SLC9A9: variants seen among roughly 807,000 people sequenced by gnomAD.
The protein encoded by SLC9A9 is sodium/hydrogen exchanger 9.
In SLC9A9, 62 loss-of-function variants were observed where a neutral mutation model predicts 77.8. The ratio of observed to expected loss-of-function variants is 0.80; its 90% CI spans 0.65 to 0.98. The LOEUF (loss-of-function observed/expected upper bound fraction) is 0.98. Among genes scored for constraint, SLC9A9 ranks in the 50% least tolerant of loss-of-function variants. SLC9A9 has a pLI of 0.00. For synonymous variants in SLC9A9, 320 were observed against 283.5 expected (o/e 1.13, Z -1.29); for missense variants, 775 against 774.9 (o/e 1.00, Z 0.00).
Position 143,278,943 on chromosome 3 carries a change from C to G in SLC9A9, c.1605-9963G>C, listed in dbSNP as rs146636519. Among the ~76,000 whole-genome samples, 1,346 of 151,898 alleles carry G rather than the reference C, an allele frequency of 8.9e-3. 25 individuals carry two copies. Among genetic ancestry groups the G allele is most frequent in the South Asian group, 0.07 (338 of 4,820 alleles). ...AGGCAAACTTCCTGAGCTCTTTGAC[C>G]ACAAAAAATGGAACTAACTAACAGG... On this transcript the variant is annotated intron_variant, in intron 14 of 15. Transcript: ENST00000316549.
intron 12 of SLC9A9, among the ~76,000 whole-genome samples, chr3:143,429,569 C>G (rs989408466): frequency 3.5e-4 from 54 of 152,332 alleles, no homozygotes; most frequent in African/African-American, 1.2e-3. Context: ...TTTACATACA[C>G]TTAGTGAACC....
At chr3:143,664,570 G>C in intron 5 of SLC9A9, among the ~76,000 whole-genome samples, 1 of 152,294 alleles carries the variant, frequency 6.6e-6, no homozygotes, top group African/African-American at 2.4e-5. Flanking sequence ...TCAGTGTGCT[G>C]TATTCAGGAG....
intron 12 of SLC9A9, among the ~76,000 whole-genome samples, chr3:143,444,836 T>C (rs1429398300): frequency 6.6e-6 from 1 of 152,250 alleles, no homozygotes; most frequent in Non-Finnish European, 1.5e-5. Context: ...TCAATTGGCA[T>C]GAATGTGGCA....
At chr3:143,657,435 G>A (rs984138254) in intron 5 of SLC9A9, among the ~76,000 whole-genome samples, 3 of 152,184 alleles carry the variant, frequency 2.0e-5, no homozygotes, top group Non-Finnish European at 2.9e-5. Context: ...GGGAAAACAA[G>A]CTCTTATGCC....
chr3:143,523,347 T>G (rs916186744), intron 9 of SLC9A9, among the ~76,000 whole-genome samples: 3 of 152,170 alleles, frequency 2.0e-5, no homozygotes, highest in Non-Finnish European at 2.9e-5. Flanking sequence ...TTTTGTCTTT[T>G]ACAATACTCC....
At chr3:143,786,593 C>T (rs1013405598) in intron 4 of SLC9A9, among the ~76,000 whole-genome samples, 3 of 152,248 alleles carry the variant, frequency 2.0e-5, no homozygotes, top group Admixed American at 2.0e-4. Context: ...ACTTCACTCT[C>T]CTCTCTGCTG....
chr3:143,377,623 A>G (rs1251843820), intron 13 of SLC9A9, among the ~76,000 whole-genome samples: 1 of 152,260 alleles, frequency 6.6e-6, no homozygotes, highest in African/African-American at 2.4e-5. Context: ...TCGAGAAACC[A>G]TTAAGTAACA....
intron 9 of SLC9A9, among the ~76,000 whole-genome samples, chr3:143,521,920 G>A (rs1263330125): frequency 6.6e-6 from 1 of 151,998 alleles, no homozygotes; most frequent in South Asian, 2.1e-4. Flanking sequence ...TCAATGATTT[G>A]TTTCCTTGCA....
intron 10 of SLC9A9, 109 bp downstream of exon 10, chr3:143,495,226 T>C (rs1163358230): frequency 1.1e-6 from 1 of 916,162 alleles, no homozygotes; most frequent in Non-Finnish European, 1.8e-6. Context: ...TGTCTGAGCC[T>C]TGCAGTGGAC....
At chr3:143,490,802 C>T (rs964668616) in intron 11 of SLC9A9, among the ~76,000 whole-genome samples, 1 of 152,102 alleles carries the variant, frequency 6.6e-6, no homozygotes, top group Non-Finnish European at 1.5e-5. Flanking sequence ...GACTTTTGAG[C>T]GTGGTATCAA....
intron 12 of SLC9A9, among the ~76,000 whole-genome samples, chr3:143,392,199 G>C (rs1323220827): frequency 6.6e-6 from 1 of 152,202 alleles, no homozygotes; most frequent in Non-Finnish European, 1.5e-5. Context: ...GGCAGCCAGA[G>C]AGAAAGGTCG....
chr3:143,812,813 C>A (rs1280836234), intron 2 of SLC9A9, among the ~76,000 whole-genome samples: 1 of 152,130 alleles, frequency 6.6e-6, no homozygotes, highest in Non-Finnish European at 1.5e-5. Flanking sequence ...GGAGAGGAAC[C>A]CAGTGCCCCA....
chr3:143,615,860 T>A (rs1452255594), intron 6 of SLC9A9, among the ~76,000 whole-genome samples: 3 of 151,718 alleles, frequency 2.0e-5, no homozygotes, highest in African/African-American at 7.3e-5. Flanking sequence ...TGAGTCTTCA[T>A]CTGAAATTTA....
At chr3:143,510,946 T>C (rs2108604921) in intron 9 of SLC9A9, among the ~76,000 whole-genome samples, 1 of 152,356 alleles carries the variant, frequency 6.6e-6, no homozygotes, top group African/African-American at 2.4e-5. Context: ...AATGTCTGCC[T>C]GTTCACTTCT....
At chr3:143,578,365 T>G (rs2037397466) in intron 7 of SLC9A9, among the ~76,000 whole-genome samples, 1 of 152,200 alleles carries the variant, frequency 6.6e-6, no homozygotes, top group Admixed American at 6.5e-5. Context: ...GCATTAGAAC[T>G]GACCTTGGGC....
At chr3:143,540,199 G>A (rs1319902003) in intron 9 of SLC9A9, among the ~76,000 whole-genome samples, 1 of 152,018 alleles carries the variant, frequency 6.6e-6, no homozygotes, top group African/African-American at 2.4e-5. Flanking sequence ...TGGTGATAAA[G>A]AAGCAGAATA....
intron 5 of SLC9A9, among the ~76,000 whole-genome samples, chr3:143,653,091 C>T (rs370443617): frequency 1.8e-4 from 28 of 152,300 alleles, no homozygotes; most frequent in Admixed American, 1.7e-3. Context: ...GTTGCAATGG[C>T]CTACTCCTGT....
intron 6 of SLC9A9, among the ~76,000 whole-genome samples, chr3:143,642,667 T>C (rs1355743866): frequency 6.6e-6 from 1 of 152,220 alleles, no homozygotes; most frequent in African/African-American, 2.4e-5. Flanking sequence ...AGTTTCTCCT[T>C]TTGAAATTTT....
At chr3:143,297,126 A>AT (rs1279140189) in intron 14 of SLC9A9, among the ~76,000 whole-genome samples, 1 of 151,900 alleles carries the variant, frequency 6.6e-6, no homozygotes, top group Non-Finnish European at 1.5e-5. Context: ...ATCTCCCTAT[A>AT]TTTTTTCCTA....
Sources: allele counts gnomAD v4.1 joint callset (sites outside exome capture counted in the v4.1 genomes callset), GRCh38; gene constraint gnomAD v4.1.1; transcripts MANE v1.5; gene names NCBI Gene and HGNC (gene_info 2026-07-23, HGNC 2026-07-21).